Variants in CUX2 observed in about 807,000 individuals in gnomAD.
CUX2 encodes the protein homeobox protein cut-like 2.
A neutral mutation model predicts 144.8 loss-of-function variants in CUX2; 40 were observed. That is an observed-to-expected ratio of 0.28 (90% CI 0.21 to 0.36). The LOEUF is 0.36. Among genes scored for constraint, CUX2 ranks in the 10% least tolerant of loss-of-function variants. The pLI is 1.00. For missense variants in CUX2, 1,615 were observed against 1,994.0 expected, an observed-to-expected ratio of 0.81 and a Z score of 3.62; for synonymous variants, 827 against 875.6, an observed-to-expected ratio of 0.94 and a Z score of 0.98.
intron 1 of CUX2, among the ~76,000 whole-genome samples, chr12:111,093,463 A>G (rs916342702): frequency 2.6e-5 from 4 of 152,226 alleles, no homozygotes; most frequent in African/African-American, 9.6e-5. Context: ...TTTATAATAG[A>G]CAAGCCTCGT....
intron 3 of CUX2, among the ~76,000 whole-genome samples, chr12:111,244,415 C>T (rs1218901648): frequency 6.6e-6 from 1 of 152,190 alleles, no homozygotes; most frequent in Non-Finnish European, 1.5e-5. Flanking sequence ...TTCTCCAGCT[C>T]CCCATGTTGT....
intron 4 of CUX2, among the ~76,000 whole-genome samples, chr12:111,284,677 G>C (rs1885284352): frequency 6.6e-6 from 1 of 152,194 alleles, no homozygotes; most frequent in Admixed American, 6.5e-5. Flanking sequence ...TGGCAGAGAT[G>C]GGATTCTAAC....
rs2136149668 is a variant in CUX2, at chr12:111,160,103, G to GCTC, written c.64-54094_64-54092dup. Among the ~76,000 whole-genome samples the GCTC allele has an allele frequency of 1.3e-5, 2 of 152,338 alleles. No individual in the cohort carries two copies. The highest frequency in any genetic ancestry group is 2.9e-5 in the Non-Finnish European group (2 of 68,028). On this transcript the variant is annotated intron_variant, in intron 1 of 21. Coordinates refer to ENST00000261726, the MANE Select transcript of CUX2 (RefSeq NM_015267.4). The surrounding 1 kb of genome is among the most constrained non-coding windows in gnomAD (Gnocchi z 4.1). The stretch of plus-strand genomic sequence containing the variant: ...CCTTCTTTCCTTCAATATTCATTGA[G>GCTC]CTCCTGCTGGGTGCTGGGCGCTGGG...
rs981367319 is a variant in CUX2 at position 111,035,993 on chromosome 12, T to C, written c.63+1753T>C. 3.9e-5 allele frequency among the ~76,000 whole-genome samples: 6 copies of C among 152,100 alleles called. No homozygotes were observed. Among genetic ancestry groups the C allele is most frequent in the Non-Finnish European group, 5.9e-5 (4 of 68,006 alleles). ...AGAGAGGGAGAATTGGGCAGCCACATTGGGCTTGGCACGAAGGCCAATGGT... is the reference window on the plus strand; with the variant it reads ...AGAGAGGGAGAATTGGGCAGCCACACTGGGCTTGGCACGAAGGCCAATGGT... On this transcript the variant is annotated intron_variant, in intron 1 of 21. Transcript: ENST00000261726. The surrounding 1 kb of genome is among the most constrained non-coding windows in gnomAD (Gnocchi z 6.0).
At chr12:111,205,121 C>T (rs1000547184) in intron 1 of CUX2, among the ~76,000 whole-genome samples, 1 of 151,990 alleles carries the variant, frequency 6.6e-6, no homozygotes, top group Non-Finnish European at 1.5e-5. Context: ...TTATCCATCT[C>T]GGCGGGCTGC....
At chr12:111,084,276 C>T (rs1017053772) in intron 1 of CUX2, among the ~76,000 whole-genome samples, 13 of 152,150 alleles carry the variant, frequency 8.5e-5, no homozygotes, top group Non-Finnish European at 1.8e-4. Context: ...TTTCAGCCCC[C>T]GCCCTTTCCT....
intron 1 of CUX2, among the ~76,000 whole-genome samples, chr12:111,109,168 G>C (rs140343868): frequency 6.6e-6 from 1 of 152,108 alleles, no homozygotes; most frequent in African/African-American, 2.4e-5. Flanking sequence ...ATGTGCTTAC[G>C]TTCTTCCTGT....
At chr12:111,346,291 C>T (rs7953563) in intron 21 of CUX2, among the ~76,000 whole-genome samples, 1 of 152,082 alleles carries the variant, frequency 6.6e-6, no homozygotes, top group African/African-American at 2.4e-5. Flanking sequence ...GCCTGACCAA[C>T]ATGGTGAAAC....
chr12:111,181,932 G>T (rs1879204795), intron 1 of CUX2, among the ~76,000 whole-genome samples: 1 of 152,060 alleles, frequency 6.6e-6, no homozygotes, highest in Non-Finnish European at 1.5e-5. Context: ...TGAAATATTT[G>T]GTTGGCAAGA....
chr12:111,042,655 G>A (rs769134856), intron 1 of CUX2, among the ~76,000 whole-genome samples: 16 of 151,996 alleles, frequency 1.1e-4, no homozygotes, highest in African/African-American at 1.5e-4. Context: ...TTTTTGAGAC[G>A]AGGTCTCAGT....
chr12:111,168,132 G>C (rs1250696178), intron 1 of CUX2, among the ~76,000 whole-genome samples: 1 of 152,172 alleles, frequency 6.6e-6, no homozygotes, highest in Non-Finnish European at 1.5e-5. Context: ...AAACTGCCCT[G>C]ACAGATGTGC....
rs374495261 is a variant in CUX2, at chr12:111,054,026, C to T, written c.63+19786C>T. Among the ~76,000 whole-genome samples, 55 of 152,214 alleles carry T rather than the reference C, an allele frequency of 3.6e-4. No homozygotes were observed. The East Asian group carries it at 9.3e-3, about 26-fold the overall frequency. On this transcript the variant is annotated intron_variant, in intron 1 of 21. Transcript: ENST00000261726. ...AAAATTAGCCAGGCATGGTGGCACA[C>T]GCCTGTAATCCCAGCTACTCAGGAG...
chr12:111,307,294 C>A lies in CUX2; in HGVS notation c.1109+37C>A, dbSNP rs1375747967. 2 of 1,597,434 alleles carry A rather than the reference C, an allele frequency of 1.3e-6. No individual in the cohort carries two copies. On this transcript the variant is annotated intron_variant, in intron 12 of 21. Coordinates refer to ENST00000261726, the MANE Select transcript of CUX2 (RefSeq NM_015267.4). This position sits in a 1 kb window ranked among gnomAD's most constrained non-coding sequence, Gnocchi z 4.1. ...GGTGGGGCTCCACAGACCCTCAGTG[C>A]TCTTCCCTGGCCAGGAGCTCTTGGC...
At chr12:111,170,246 AT>A (rs1438184596) in intron 1 of CUX2, among the ~76,000 whole-genome samples, 2 of 152,032 alleles carry the variant, frequency 1.3e-5, no homozygotes, top group Admixed American at 1.3e-4. Flanking sequence ...CCTGACCAAT[AT>A]GGAGAAACCC....
intron 20 of CUX2, 22 bp downstream of exon 20, chr12:111,338,496 G>C (rs1325659312): frequency 6.3e-7 from 1 of 1,595,948 alleles, no homozygotes; most frequent in Non-Finnish European, 8.6e-7. Flanking sequence ...GCAGAGGATG[G>C]GCCCCAGCAC....
chr12:111,299,292 G>A (rs1886168789), intron 9 of CUX2, among the ~76,000 whole-genome samples: 1 of 152,242 alleles, frequency 6.6e-6, no homozygotes, highest in Admixed American at 6.5e-5. Context: ...CAGTTAAAAG[G>A]GGCCTCTTGG....
chr12:111,166,313 C>T (rs1280891372), intron 1 of CUX2, among the ~76,000 whole-genome samples: 2 of 152,236 alleles, frequency 1.3e-5, no homozygotes. Context: ...TGAGCCACTA[C>T]GCCCAGCCTG....
intron 3 of CUX2, among the ~76,000 whole-genome samples, chr12:111,230,096 C>G (rs1176798630): frequency 6.7e-6 from 1 of 149,986 alleles, no homozygotes; most frequent in African/African-American, 2.5e-5. Context: ...GAGGCTGCAA[C>G]AGTGAGCCAT....
intron 3 of CUX2, among the ~76,000 whole-genome samples, chr12:111,227,335 G>C (rs1882205674): frequency 6.6e-6 from 1 of 152,144 alleles, no homozygotes; most frequent in Non-Finnish European, 1.5e-5. Context: ...GAGTCGCCTG[G>C]AGCTGGGTTC....
Sources: allele counts gnomAD v4.1 joint callset (sites outside exome capture counted in the v4.1 genomes callset), GRCh38; gene constraint gnomAD v4.1.1; non-coding constraint Gnocchi (gnomAD v3.1); transcripts MANE v1.5; gene names NCBI Gene and HGNC (gene_info 2026-07-23, HGNC 2026-07-21).